The following PDLIM5 variants were observed in gnomAD, a reference collection of about 807,000 sequenced individuals.
PDLIM5 encodes the protein PDZ and LIM domain 5, also known as PDZ and LIM domain protein 5.
In PDLIM5, 34 loss-of-function variants were observed where a neutral mutation model predicts 64.2. The ratio of observed to expected loss-of-function variants is 0.53; its 90% CI spans 0.40 to 0.71. The LOEUF (loss-of-function observed/expected upper bound fraction) is 0.71. PDLIM5 is among the 30% of genes least tolerant of loss of function. PDLIM5 has a pLI of 0.00. For synonymous variants in PDLIM5, 253 were observed against 269.1 expected (o/e 0.94, Z 0.59); for missense variants, 683 against 733.6 (o/e 0.93, Z 0.80).
At chr4:94,625,294 T>C (rs568310778) in intron 8 of PDLIM5, among the ~76,000 whole-genome samples, 21 of 152,318 alleles carry the variant, frequency 1.4e-4, no homozygotes, top group African/African-American at 4.8e-4. Flanking sequence ...CCCTGTTTAC[T>C]CTCATGTCCC....
chr4:94,554,952 T>C (rs745644535), intron 3 of PDLIM5, among the ~76,000 whole-genome samples: 1 of 152,214 alleles, frequency 6.6e-6, no homozygotes, highest in Non-Finnish European at 1.5e-5. Flanking sequence ...TTTTATAAAA[T>C]AGGCTTTTTG....
At chr4:94,522,383 TA>T (rs1249177372) in intron 2 of PDLIM5, among the ~76,000 whole-genome samples, 2 of 152,214 alleles carry the variant, frequency 1.3e-5, no homozygotes, top group African/African-American at 4.8e-5. Context: ...TTTTATTTTT[TA>T]TTTTTTGAGG....
At chr4:94,566,820 T>C (rs1191897089) in intron 3 of PDLIM5, among the ~76,000 whole-genome samples, 1 of 152,232 alleles carries the variant, frequency 6.6e-6, no homozygotes, top group African/African-American at 2.4e-5. Context: ...CTGATACTAC[T>C]ATTATCCTGT....
At chr4:94,660,516 T>C (rs372754704) in intron 11 of PDLIM5, among the ~76,000 whole-genome samples, 14 of 152,314 alleles carry the variant, frequency 9.2e-5, no homozygotes, top group African/African-American at 3.4e-4. Flanking sequence ...ATGGTACTTA[T>C]CATAATCTGA....
At chr4:94,502,825 C>T (rs1728050446) in intron 2 of PDLIM5, among the ~76,000 whole-genome samples, 1 of 151,958 alleles carries the variant, frequency 6.6e-6, no homozygotes. Flanking sequence ...TGCAGTGAGT[C>T]AAGATCATGC....
chr4:94,562,200 T>C (rs1733908409), intron 3 of PDLIM5, among the ~76,000 whole-genome samples: 1 of 152,216 alleles, frequency 6.6e-6, no homozygotes, highest in Non-Finnish European at 1.5e-5. Context: ...CAGACCTTTC[T>C]GAGAGCTCCA....
intron 2 of PDLIM5, among the ~76,000 whole-genome samples, chr4:94,505,264 C>CT (rs58962560): frequency 1.3e-3 from 187 of 144,462 alleles, no homozygotes; most frequent in Middle Eastern, 3.6e-3. Flanking sequence ...TCTTAAGTCA[C>CT]TTTTTTTTTT....
intron 7 of PDLIM5, chr4:94,610,336 T>C (rs1170957581): frequency 2.1e-6 from 3 of 1,416,872 alleles, no homozygotes; most frequent in Non-Finnish European, 2.8e-6. Context: ...CTGTCTGATG[T>C]GATCTCAGCG....
In PDLIM5 at chr4:94,665,984, C is replaced by T. The variant is rs1743064609; in HGVS notation, c.*1917C>T. 2 of 1,531,864 alleles carry T rather than the reference C, an allele frequency of 1.3e-6. No individual in the cohort carries two copies. Among genetic ancestry groups the T allele is most frequent in the South Asian group, 2.4e-5 (2 of 83,712 alleles). 94.9% of individuals were successfully genotyped at this position (1,531,864 alleles called of 1,614,324 possible). A position where few individuals can be genotyped will look rare whatever the true frequency, so the allele number is the denominator to read the frequency against. On this transcript the variant is annotated 3_prime_UTR_variant, in exon 13 of 13. Transcript: ENST00000317968. The stretch of plus-strand genomic sequence containing the variant: ...TGTTGCTATTTGCCCAGTGAGAAAA[C>T]AGATTCTGGTATTTGATTTGGTTTT...
At chr4:94,547,399 A>T (rs1483508597) in intron 3 of PDLIM5, among the ~76,000 whole-genome samples, 15 of 152,152 alleles carry the variant, frequency 9.9e-5, no homozygotes, top group Non-Finnish European at 1.5e-5. Flanking sequence ...GGCAACAGTG[A>T]CTAAGGGGTC....
At chr4:94,644,646 A>G (rs1178879888) in intron 9 of PDLIM5, among the ~76,000 whole-genome samples, 1 of 151,864 alleles carries the variant, frequency 6.6e-6, no homozygotes, top group Non-Finnish European at 1.5e-5. Context: ...GGTTCAAGCA[A>G]TTCTCCTGCC....
chr4:94,578,509 CTT>C (rs1334513573), intron 5 of PDLIM5, among the ~76,000 whole-genome samples: 1 of 152,086 alleles, frequency 6.6e-6, no homozygotes, highest in African/African-American at 2.4e-5. Context: ...ACAATAAAAA[CTT>C]GATTACTCTG....
chr4:94,533,424 A>G (rs1731063397), intron 3 of PDLIM5, among the ~76,000 whole-genome samples: 1 of 152,188 alleles, frequency 6.6e-6, no homozygotes, highest in Admixed American at 6.5e-5. Flanking sequence ...ATCTTTAAAA[A>G]TTTTTTTGGA....
At chr4:94,635,271 G>A (rs899617098) in intron 8 of PDLIM5, among the ~76,000 whole-genome samples, 1 of 152,112 alleles carries the variant, frequency 6.6e-6, no homozygotes, top group Non-Finnish European at 1.5e-5. Flanking sequence ...CATAAAAGAA[G>A]CCAATATTTA....
At chr4:94,469,758 A>G (rs1327214940) in intron 2 of PDLIM5, among the ~76,000 whole-genome samples, 1 of 152,136 alleles carries the variant, frequency 6.6e-6, no homozygotes, top group East Asian at 1.9e-4. Context: ...ATTGCTTTTG[A>G]TAGAAATTCC....
At chr4:94,471,656 A>G (rs1439571387) in intron 2 of PDLIM5, among the ~76,000 whole-genome samples, 1 of 152,040 alleles carries the variant, frequency 6.6e-6, no homozygotes, top group Non-Finnish European at 1.5e-5. Context: ...TGTGTAATTT[A>G]CCAGCTGTAA....
chr4:94,610,316 C>T (rs1047831654), intron 7 of PDLIM5: 24 of 1,485,682 alleles, frequency 1.6e-5, no homozygotes, highest in Middle Eastern at 1.8e-4. Context: ...TAGAACTACA[C>T]GTACAGCGTC....
At chr4:94,452,230 A>G (rs997594308) in intron 1 of PDLIM5, among the ~76,000 whole-genome samples, 24 of 152,182 alleles carry the variant, frequency 1.6e-4, no homozygotes, top group Non-Finnish European at 2.9e-4. Context: ...GCATGAGGCC[A>G]GAGGGCGAGC....
rs570340107 is a variant in PDLIM5 at position 94,655,428 on chromosome 4, G to A, written c.1464+788G>A. ...TGCTGAACTCTAATATACTCTCAAT[G>A]TGAAAATATGATAATGAAACTCTAA... is the stretch of plus-strand genomic sequence containing the variant. On this transcript the variant is annotated intron_variant, in intron 10 of 12. Coordinates refer to ENST00000317968, the MANE Select transcript of PDLIM5 (RefSeq NM_006457.5). Among the ~76,000 whole-genome samples, 10 of 152,262 alleles carry A rather than the reference G, an allele frequency of 6.6e-5. No homozygotes were observed. The South Asian group carries it at 1.9e-3, about 28-fold the overall frequency.
Sources: gnomAD v4.1 joint callset for allele counts (sites outside exome capture counted in the v4.1 genomes callset) on GRCh38, gnomAD v4.1.1 for gene constraint, MANE v1.5 for transcripts, NCBI Gene and HGNC (gene_info 2026-07-23, HGNC 2026-07-21) for gene names.